ADARB2: variants seen among roughly 807,000 people sequenced by gnomAD.
The protein encoded by ADARB2 is inactive double-stranded RNA-specific editase B2.
Under a neutral mutation model 62.2 loss-of-function variants are expected in ADARB2, and 25 were observed. The observed-to-expected ratio is 0.40, with a 90% CI of 0.29 to 0.56. ADARB2 has a LOEUF of 0.56. Ranked by LOEUF, ADARB2 falls within the 20% of genes least tolerant of loss-of-function variation. The probability of loss-of-function intolerance (pLI) is 0.43; values close to 1 mark genes in which losing one functional copy is unlikely to be tolerated. For synonymous variants in ADARB2, 572 were observed against 500.8 expected, an observed-to-expected ratio of 1.14 and a Z score of -1.90; for missense variants, 1,071 against 1,077.4, an observed-to-expected ratio of 0.99 and a Z score of 0.08.
At chr10:1,553,277 CTTTTAATGGCTGAA>C (rs1832654377) in intron 1 of ADARB2, among the ~76,000 whole-genome samples, 1 of 152,222 alleles carries the variant, frequency 6.6e-6, no homozygotes, top group Admixed American at 6.5e-5. Context: ...GTTTTAGCTG[CTTTTAATGGCTGAA>C]TTTTCCCAAG....
At chr10:1,484,455 T>C (rs1356235023) in intron 1 of ADARB2, among the ~76,000 whole-genome samples, 1 of 152,250 alleles carries the variant, frequency 6.6e-6, no homozygotes, top group Non-Finnish European at 1.5e-5. Flanking sequence ...CTGTCCACGC[T>C]GTCGTCCCTT....
intron 1 of ADARB2, among the ~76,000 whole-genome samples, chr10:1,696,050 GCA>G (rs1261420106): frequency 2.6e-5 from 4 of 152,046 alleles, no homozygotes; most frequent in Admixed American, 6.5e-5. Flanking sequence ...ACATATACAT[GCA>G]CACACATGCA....
Position 1,540,484 on chromosome 10 carries a change from GTAGTT to G in ADARB2, c.101-161329_101-161325del, listed in dbSNP as rs1564322835. The stretch of plus-strand genomic sequence containing the variant: ...ACAGCCGCCCAGACCCCACTCAGAC[GTAGTT>G]CAGACCCTGGATCACAGCCGCCCAG... On this transcript the variant is annotated intron_variant, in intron 1 of 9. Transcript: ENST00000381312. 1.3e-4 allele frequency among the ~76,000 whole-genome samples: 19 copies of G among 144,942 alleles called. 3 individuals carry two copies. The highest frequency in any genetic ancestry group is 1.9e-4 in the African/African-American group (7 of 37,326).
chr10:1,710,491 A>T (rs1040548283), intron 1 of ADARB2, among the ~76,000 whole-genome samples: 1 of 150,604 alleles, frequency 6.6e-6, no homozygotes, highest in East Asian at 1.9e-4. Flanking sequence ...AGCTGGAGGG[A>T]TAAGGATGAG....
intron 8 of ADARB2, among the ~76,000 whole-genome samples, chr10:1,187,419 C>T (rs1836775478): frequency 6.6e-6 from 1 of 152,200 alleles, no homozygotes; most frequent in South Asian, 2.1e-4. Flanking sequence ...CCCTCCTCCT[C>T]CTGCTCCCAT....
intron 1 of ADARB2, among the ~76,000 whole-genome samples, chr10:1,717,678 G>T (rs1163874309): frequency 2.6e-5 from 4 of 151,872 alleles, no homozygotes; most frequent in African/African-American, 9.7e-5. Flanking sequence ...CCCGGGTTCA[G>T]GAGATTCTCC....
chr10:1,605,979 CA>C (rs1313391284), intron 1 of ADARB2, among the ~76,000 whole-genome samples: 13 of 143,874 alleles, frequency 9.0e-5, no homozygotes, highest in African/African-American at 3.9e-4. Context: ...TTTAAACATT[CA>C]AACAGTCTAG....
intron 8 of ADARB2, among the ~76,000 whole-genome samples, chr10:1,190,888 A>G (rs969093664): frequency 6.6e-6 from 1 of 152,210 alleles, no homozygotes; most frequent in Non-Finnish European, 1.5e-5. Context: ...GGTGGGGGCC[A>G]TTATCCAGCC....
At chr10:1,710,136 T>C (rs553121699) in intron 1 of ADARB2, among the ~76,000 whole-genome samples, 1 of 152,300 alleles carries the variant, frequency 6.6e-6, no homozygotes. Context: ...GGGGAGTCTA[T>C]GTCCTCATTG....
intron 4 of ADARB2, among the ~76,000 whole-genome samples, chr10:1,269,362 C>T (rs1460787303): frequency 6.6e-6 from 1 of 152,160 alleles, no homozygotes; most frequent in Admixed American, 6.6e-5. Context: ...GGCATTTGGT[C>T]TCTTGTTCTG....
intron 1 of ADARB2, among the ~76,000 whole-genome samples, chr10:1,544,954 T>TACACACACACACACACACACACACAC (rs1418832536): frequency 2.2e-4 from 1 of 4,600 alleles, no homozygotes; most frequent in Non-Finnish European, 2.6e-3. Context: ...AATAGCAAAG[T>TACACACACACACACACACACACACAC]ATACACACAC....
chr10:1,229,219 G>T (rs1033218372), intron 6 of ADARB2, among the ~76,000 whole-genome samples: 1 of 152,128 alleles, frequency 6.6e-6, no homozygotes, highest in Admixed American at 6.6e-5. Context: ...AATAAAATAG[G>T]GCCATCTAGA....
At position 1,594,119 on chromosome 10, in the gene ADARB2, G is replaced by C. The variant is rs543967468; in HGVS notation, c.100+142932C>G. Among the ~76,000 whole-genome samples the C allele has an allele frequency of 2.0e-5, 3 of 152,180 alleles. No homozygotes were observed. In the South Asian group the frequency reaches 6.2e-4, roughly 32 times the overall value. On this transcript the variant is annotated intron_variant, in intron 1 of 9. Coordinates refer to ENST00000381312, the MANE Select transcript of ADARB2 (RefSeq NM_018702.4). ...AGCCTGGCCAACATAGTGAAACCCT[G>C]TCTCTACTAAAAATACAAAAATTAG...
At chr10:1,708,953 GAC>G (rs1181694630) in intron 1 of ADARB2, among the ~76,000 whole-genome samples, 1 of 152,194 alleles carries the variant, frequency 6.6e-6, no homozygotes, top group Non-Finnish European at 1.5e-5. Flanking sequence ...GTGGACGCAA[GAC>G]ACACCTGAGG....
chr10:1,399,863 C>T (rs1832647417), intron 1 of ADARB2, among the ~76,000 whole-genome samples: 1 of 150,366 alleles, frequency 6.7e-6, no homozygotes, highest in South Asian at 2.1e-4. Flanking sequence ...CTTGAGAGTG[C>T]CCTGAGGGAC....
intron 1 of ADARB2, among the ~76,000 whole-genome samples, chr10:1,698,078 T>C (rs958035858): frequency 2.0e-5 from 3 of 152,182 alleles, no homozygotes; most frequent in African/African-American, 7.2e-5. Flanking sequence ...TAAATCAACA[T>C]CTCTACCTCT....
chr10:1,437,663 C>T (rs1188947517), intron 1 of ADARB2, among the ~76,000 whole-genome samples: 1 of 152,110 alleles, frequency 6.6e-6, no homozygotes, highest in African/African-American at 2.4e-5. Context: ...GCATCTGAGC[C>T]CTGATGAGGA....
intron 1 of ADARB2, among the ~76,000 whole-genome samples, chr10:1,604,524 G>A (rs1432948183): frequency 2.6e-5 from 4 of 152,174 alleles, no homozygotes; most frequent in African/African-American, 9.7e-5. Flanking sequence ...GCCAGGCACT[G>A]TTTTGTTTGC....
At chr10:1,509,086 C>T (rs955021125) in intron 1 of ADARB2, among the ~76,000 whole-genome samples, 4 of 152,160 alleles carry the variant, frequency 2.6e-5, no homozygotes, top group Admixed American at 1.3e-4. Context: ...ATAAAAACCT[C>T]GATAATCGTG....
Sources: gnomAD v4.1 joint callset for allele counts (sites outside exome capture counted in the v4.1 genomes callset) on GRCh38, gnomAD v4.1.1 for gene constraint, MANE v1.5 for transcripts, NCBI Gene and HGNC (gene_info 2026-07-23, HGNC 2026-07-21) for gene names.